The following GNAI2 variants were observed in gnomAD, a reference collection of about 807,000 sequenced individuals.
GNAI2 encodes the protein G protein subunit alpha i2.
A neutral mutation model predicts 36.8 loss-of-function variants in GNAI2; 4 were observed. The ratio of observed to expected loss-of-function variants is 0.11; its 90% CI spans 0.05 to 0.25. The LOEUF (loss-of-function observed/expected upper bound fraction) is 0.25, where lower values mean the gene tolerates loss of function less well. GNAI2 is among the 10% of genes least tolerant of loss of function. The pLI is 1.00. For missense variants in GNAI2, 230 were observed against 481.3 expected, an observed-to-expected ratio of 0.48 and a Z score of 4.89; for synonymous variants, 194 against 194.1, an observed-to-expected ratio of 1.00 and a Z score of 0.01.
upstream of GNAI2, among the ~76,000 whole-genome samples, chr3:50,228,033 TG>T (rs1489524122): frequency 6.6e-6 from 1 of 152,196 alleles, no homozygotes; most frequent in East Asian, 1.9e-4. Flanking sequence ...GAAGGCTGAA[TG>T]GGGACCAGCC....
At chr3:50,237,708 G>A (rs1158627217) in intron 1 of GNAI2, among the ~76,000 whole-genome samples, 2 of 151,626 alleles carry the variant, frequency 1.3e-5, no homozygotes, top group Non-Finnish European at 2.9e-5. Context: ...TCCCCATCCA[G>A]CTTCCCACTG....
At chr3:50,243,906 G>A (rs1402076545) in intron 1 of GNAI2, among the ~76,000 whole-genome samples, 3 of 152,066 alleles carry the variant, frequency 2.0e-5, no homozygotes, top group Non-Finnish European at 2.9e-5. Context: ...CCTGGCTTTC[G>A]GGCCTCAATT....
intron 5 of GNAI2, 184 bp downstream of exon 5, chr3:50,256,504 C>T (rs1700707480): frequency 1.4e-6 from 1 of 708,670 alleles, no homozygotes; most frequent in Non-Finnish European, 2.5e-6. Flanking sequence ...CTGCCAGCTG[C>T]TCACAGCCTC....
chr3:50,244,425 C>T (rs945587796), intron 1 of GNAI2, among the ~76,000 whole-genome samples: 5 of 152,186 alleles, frequency 3.3e-5, no homozygotes, highest in Admixed American at 2.0e-4. Flanking sequence ...TTCATTCTTT[C>T]CCTAATATTA....
upstream of GNAI2, chr3:50,236,154 C>G: frequency 1.7e-6 from 2 of 1,159,762 alleles, no homozygotes; most frequent in South Asian, 8.6e-5. This position sits in a 1 kb window ranked among gnomAD's most constrained non-coding sequence, Gnocchi z 4.0. Context: ...AGGCCCCACC[C>G]CCGGCCCGCC....
chr3:50,239,092 A>T (rs1191271811), intron 1 of GNAI2, among the ~76,000 whole-genome samples: 2 of 152,160 alleles, frequency 1.3e-5, no homozygotes, highest in Non-Finnish European at 2.9e-5. Flanking sequence ...TACCCAGCTC[A>T]ACGTGACTGA....
chr3:50,227,317 A>C (rs1699993395), upstream of GNAI2: 1 of 483,898 alleles, frequency 2.1e-6, no homozygotes, highest in African/African-American at 2.0e-5. The surrounding 1 kb of genome is among the most constrained non-coding windows in gnomAD (Gnocchi z 5.9). Flanking sequence ...AGCTCTGCGG[A>C]GACCGGGCCT....
chr3:50,247,390 G>A (rs1700450168), intron 1 of GNAI2, among the ~76,000 whole-genome samples: 1 of 152,192 alleles, frequency 6.6e-6, no homozygotes, highest in Non-Finnish European at 1.5e-5. Flanking sequence ...CTCTGCCCAG[G>A]GGAAACTGAA....
At chr3:50,233,560 A>G (rs1700106069), upstream of GNAI2, among the ~76,000 whole-genome samples, 1 of 152,206 alleles carries the variant, frequency 6.6e-6, no homozygotes, top group African/African-American at 2.4e-5. Flanking sequence ...ATGTGTACCC[A>G]TTTTTGTAGA....
chr3:50,257,786 G>T, intron 8 of GNAI2, 72 bp downstream of exon 8: 1 of 764,096 alleles, frequency 1.3e-6, no homozygotes. Flanking sequence ...AGGGGGTTCT[G>T]GGGGTGGGTA....
chr3:50,253,330 T>G lies in GNAI2; in HGVS notation c.464+146T>G. On this transcript the variant is annotated intron_variant, in intron 4 of 8. Coordinates refer to ENST00000313601, the MANE Select transcript of GNAI2 (RefSeq NM_002070.4). This position sits in a 1 kb window ranked among gnomAD's most constrained non-coding sequence, Gnocchi z 4.2. ...CTGTTAACCAAGGCCTTCCTGTTTT[T>G]TGGTTTGGGGGGTGGGTGGGTGTCA... The G allele has an allele frequency of 1.5e-6, 1 of 661,906 alleles. No individual in the cohort carries two copies. The allele number at this position is 661,906 out of a possible 1,614,324, so 41.0% of individuals were successfully genotyped here.
chr3:50,259,054 C>G lies in GNAI2; in HGVS notation c.*711C>G, dbSNP rs1553703738. 1 of 405,056 alleles carries G rather than the reference C, an allele frequency of 2.5e-6. No homozygotes were observed. The highest frequency in any genetic ancestry group is 4.8e-6 in the Non-Finnish European group (1 of 206,890). The allele number at this position is 405,056 out of a possible 1,614,324, so 25.1% of individuals were successfully genotyped here. ...TACACCCGTCCCTCTGCTGGCCGCC[C>G]CCGTGCGAGCGGCACCCCTGCCCTG... On this transcript the variant is annotated 3_prime_UTR_variant, in exon 9 of 9. Coordinates refer to ENST00000313601, the MANE Select transcript of GNAI2 (RefSeq NM_002070.4).
At chr3:50,234,433 C>T (rs1553700093), upstream of GNAI2, among the ~76,000 whole-genome samples, 4 of 146,866 alleles carry the variant, frequency 2.7e-5, no homozygotes, top group African/African-American at 1.0e-4. Flanking sequence ...CTCACTGCAA[C>T]CTCCGCCTCC....
chr3:50,240,991 G>C (rs1334730787), intron 1 of GNAI2, among the ~76,000 whole-genome samples: 1 of 151,842 alleles, frequency 6.6e-6, no homozygotes, highest in Non-Finnish European at 1.5e-5. Context: ...GTGGGAAGGA[G>C]TCTCCCATCC....
Position 50,255,420 on chromosome 3 carries a change from A to G in GNAI2, c.465-772A>G, listed in dbSNP as rs587768898. Among the ~76,000 whole-genome samples, 6 of 152,344 alleles carry G rather than the reference A, an allele frequency of 3.9e-5. No individual in the cohort carries two copies. In the South Asian group the frequency reaches 1.0e-3, roughly 26 times the overall value. ...TCATTGGGCGCTGGGCAAAGAGCCC[A>G]CTGGACCTGGCAGGCCCCAACCTGT... is the stretch of plus-strand genomic sequence containing the variant. On this transcript the variant is annotated intron_variant, in intron 4 of 8. Coordinates refer to ENST00000313601, the MANE Select transcript of GNAI2 (RefSeq NM_002070.4). This position sits in a 1 kb window ranked among gnomAD's most constrained non-coding sequence, Gnocchi z 4.0.
rs1359959948 is a variant in GNAI2 at position 50,255,187 on chromosome 3, G to T, written c.465-1005G>T. On this transcript the variant is annotated intron_variant, in intron 4 of 8. Transcript: ENST00000313601. This position sits in a 1 kb window ranked among gnomAD's most constrained non-coding sequence, Gnocchi z 4.0. The stretch of plus-strand genomic sequence containing the variant: ...TGGGAGCCAAGGGCCAGCCCCAGCA[G>T]CCTTGCCCCAGGAATGAAAAGTCAG... Among the ~76,000 whole-genome samples the T allele has an allele frequency of 4.6e-5, 7 of 152,210 alleles. No individual in the cohort carries two copies. The highest frequency in any genetic ancestry group is 1.7e-4 in the African/African-American group (7 of 41,456).
At chr3:50,248,287 A>C (rs1700468550) in intron 1 of GNAI2, among the ~76,000 whole-genome samples, 1 of 151,596 alleles carries the variant, frequency 6.6e-6, no homozygotes. Context: ...CCCCTCTGAG[A>C]GGCAGGTGCG....
chr3:50,236,032 G>A (rs1464617057), upstream of GNAI2: 23 of 269,676 alleles, frequency 8.5e-5, no homozygotes, highest in African/African-American at 5.0e-4. The surrounding 1 kb of genome is among the most constrained non-coding windows in gnomAD (Gnocchi z 4.0). Context: ...CCCGAGCCTG[G>A]GCTGCGCCTA....
At chr3:50,240,770 T>C (rs890610576) in intron 1 of GNAI2, among the ~76,000 whole-genome samples, 23 of 151,414 alleles carry the variant, frequency 1.5e-4, no homozygotes, top group African/African-American at 5.6e-4. Context: ...TACAAAAAAA[T>C]TAGCCAGGTA....
Sources: allele counts gnomAD v4.1 joint callset (sites outside exome capture counted in the v4.1 genomes callset), GRCh38; gene constraint gnomAD v4.1.1; non-coding constraint Gnocchi (gnomAD v3.1); transcripts MANE v1.5; gene names NCBI Gene and HGNC (gene_info 2026-07-23, HGNC 2026-07-21).